NPAS3: variants seen among roughly 807,000 people sequenced by gnomAD.
The protein encoded by NPAS3 is neuronal PAS domain protein 3, also known as neuronal PAS domain-containing protein 3.
In NPAS3, 14 loss-of-function variants were observed where a neutral mutation model predicts 73.1. That is an observed-to-expected ratio of 0.19 (90% CI 0.13 to 0.30). NPAS3 has a LOEUF of 0.30. Ranked by LOEUF, NPAS3 falls within the 10% of genes least tolerant of loss-of-function variation. The pLI is 1.00. For missense variants in NPAS3, 1,096 were observed against 1,250.0 expected (o/e 0.88, Z 1.86); for synonymous variants, 620 against 541.5 (o/e 1.14, Z -2.01).
chr14:33,094,496 C>T (rs1362138860), intron 2 of NPAS3, among the ~76,000 whole-genome samples: 1 of 148,434 alleles, frequency 6.7e-6, no homozygotes, highest in Admixed American at 6.7e-5. Flanking sequence ...GATGGAGTCT[C>T]ACTCTGTTGC....
chr14:33,231,774 G>A (rs1361531564), intron 3 of NPAS3, among the ~76,000 whole-genome samples: 1 of 152,016 alleles, frequency 6.6e-6, no homozygotes, highest in African/African-American at 2.4e-5. Context: ...CTAAGTAAGG[G>A]GGAAAAGAAG....
intron 3 of NPAS3, among the ~76,000 whole-genome samples, chr14:33,313,409 A>C (rs1415818433): frequency 6.6e-6 from 1 of 152,058 alleles, no homozygotes; most frequent in Non-Finnish European, 1.5e-5. Context: ...CAGTCAGAAT[A>C]AGTATTTAGA....
chr14:33,391,039 C>G (rs1294278513), intron 4 of NPAS3, among the ~76,000 whole-genome samples: 1 of 151,978 alleles, frequency 6.6e-6, no homozygotes, highest in Non-Finnish European at 1.5e-5. Context: ...ATTATGTATC[C>G]CTTTGAACTA....
intron 5 of NPAS3, among the ~76,000 whole-genome samples, chr14:33,675,544 C>G (rs2059737566): frequency 6.6e-6 from 1 of 151,916 alleles, no homozygotes; most frequent in South Asian, 2.1e-4. Flanking sequence ...AGATTGAAGG[C>G]AAAACAAGCT....
chr14:33,171,017 G>C (rs1371816584), intron 2 of NPAS3, among the ~76,000 whole-genome samples: 1 of 152,092 alleles, frequency 6.6e-6, no homozygotes, highest in Admixed American at 6.6e-5. Flanking sequence ...ACTACCTACG[G>C]CAGTGACAGT....
intron 2 of NPAS3, among the ~76,000 whole-genome samples, chr14:33,153,917 A>G (rs1482856548): frequency 6.6e-6 from 1 of 152,108 alleles, no homozygotes; most frequent in African/African-American, 2.4e-5. Context: ...TTCATGGCTG[A>G]TATCTCTTCC....
intron 9 of NPAS3, among the ~76,000 whole-genome samples, chr14:33,781,707 G>A (rs926156964): frequency 6.6e-6 from 1 of 152,180 alleles, no homozygotes; most frequent in Non-Finnish European, 1.5e-5. Context: ...GTAGTCATCT[G>A]GTAATATTTC....
At chr14:33,466,752 C>T (rs2050544706) in intron 4 of NPAS3, among the ~76,000 whole-genome samples, 1 of 152,024 alleles carries the variant, frequency 6.6e-6, no homozygotes, top group African/African-American at 2.4e-5. Flanking sequence ...GAGGAGGTGC[C>T]ACACACTTTT....
intron 6 of NPAS3, among the ~76,000 whole-genome samples, 183 bp downstream of exon 6, chr14:33,676,568 A>C (rs2059773662): frequency 6.6e-6 from 1 of 152,250 alleles, no homozygotes; most frequent in South Asian, 2.1e-4. Flanking sequence ...ACATTTTAAT[A>C]AGTATAATCC....
chr14:33,135,352 A>C (rs1255329522), intron 2 of NPAS3, among the ~76,000 whole-genome samples: 2 of 152,172 alleles, frequency 1.3e-5, no homozygotes, highest in African/African-American at 4.8e-5. Flanking sequence ...TTAATGTTGA[A>C]ATGTGTTTCT....
At chr14:33,039,972 T>A (rs2040299131) in intron 1 of NPAS3, among the ~76,000 whole-genome samples, 1 of 152,240 alleles carries the variant, frequency 6.6e-6, no homozygotes, top group African/African-American at 2.4e-5. Context: ...CATGTAAGGC[T>A]CTACTTTTTC....
intron 6 of NPAS3, among the ~76,000 whole-genome samples, chr14:33,731,811 G>A (rs1453917439): frequency 1.3e-5 from 2 of 152,166 alleles, no homozygotes; most frequent in Non-Finnish European, 2.9e-5. Context: ...GATAATTTAG[G>A]TTTATTAAAA....
At chr14:33,049,318 T>C (rs561439927) in intron 1 of NPAS3, among the ~76,000 whole-genome samples, 2 of 152,306 alleles carry the variant, frequency 1.3e-5, no homozygotes, top group East Asian at 3.9e-4. Context: ...AGAGAGCCAA[T>C]GCTCCCTATC....
At chr14:33,176,816 A>G (rs1958005) in intron 2 of NPAS3, among the ~76,000 whole-genome samples, 83,108 of 151,874 alleles carry the variant, frequency 0.55, 23,535 homozygotes, top group East Asian at 0.85. Context: ...TAGGAGTTGT[A>G]TTATTTTATA....
chr14:33,701,502 C>A (rs1023804803), intron 6 of NPAS3, among the ~76,000 whole-genome samples: 1 of 152,208 alleles, frequency 6.6e-6, no homozygotes, highest in Admixed American at 6.5e-5. Flanking sequence ...CTCCAAAAGA[C>A]AGTGGGAATT....
chr14:33,711,893 A>G (rs1349087181), intron 6 of NPAS3, among the ~76,000 whole-genome samples: 1 of 152,004 alleles, frequency 6.6e-6, no homozygotes, highest in Admixed American at 6.5e-5. Flanking sequence ...ACGGCTGCTT[A>G]GGGGATTTGA....
At chr14:33,458,058 G>T (rs1332009624) in intron 4 of NPAS3, among the ~76,000 whole-genome samples, 1 of 152,208 alleles carries the variant, frequency 6.6e-6, no homozygotes, top group Non-Finnish European at 1.5e-5. Context: ...TGTTGTGGAA[G>T]TTAAGTAACT....
intron 3 of NPAS3, among the ~76,000 whole-genome samples, chr14:33,358,605 C>T (rs546484044): frequency 2.0e-5 from 3 of 152,304 alleles, no homozygotes; most frequent in Admixed American, 2.0e-4. Context: ...CCTCTCCCCA[C>T]CTCCATCCTG....
chr14:33,660,727 G>A (rs1288067088), intron 5 of NPAS3, among the ~76,000 whole-genome samples: 1 of 152,100 alleles, frequency 6.6e-6, no homozygotes, highest in Non-Finnish European at 1.5e-5. Context: ...AAAATATCCC[G>A]GGTTCTTCTG....
Sources: gnomAD v4.1 joint callset for allele counts (sites outside exome capture counted in the v4.1 genomes callset) on GRCh38, gnomAD v4.1.1 for gene constraint, MANE v1.5 for transcripts, NCBI Gene and HGNC (gene_info 2026-07-23, HGNC 2026-07-21) for gene names.